The following PDE4B variants were observed in gnomAD, a reference collection of about 807,000 sequenced individuals.
PDE4B encodes the protein 3',5'-cyclic-AMP phosphodiesterase 4B.
Under a neutral mutation model 82.2 loss-of-function variants are expected in PDE4B, and 20 were observed. The ratio of observed to expected loss-of-function variants is 0.24; its 90% confidence interval spans 0.17 to 0.35. The LOEUF (loss-of-function observed/expected upper bound fraction) is 0.35, where lower values mean the gene tolerates loss of function less well. PDE4B is among the 10% of genes least tolerant of loss of function. The probability of loss-of-function intolerance (pLI) is 1.00; values close to 1 mark genes in which losing one functional copy is unlikely to be tolerated. For missense variants in PDE4B, 655 were observed against 907.2 expected (o/e 0.72, Z 3.57); for synonymous variants, 320 against 318.9 (o/e 1.00, Z -0.04).
At chr1:66,150,777 T>C (rs1454011896) in intron 3 of PDE4B, among the ~76,000 whole-genome samples, 1 of 152,204 alleles carries the variant, frequency 6.6e-6, no homozygotes, top group Non-Finnish European at 1.5e-5. Flanking sequence ...TTTTACTCTG[T>C]CTATTGAAAT....
At chr1:65,969,190 A>T (rs528461099) in intron 3 of PDE4B, among the ~76,000 whole-genome samples, 1 of 152,254 alleles carries the variant, frequency 6.6e-6, no homozygotes, top group South Asian at 2.1e-4. Flanking sequence ...TTGGGTATGG[A>T]TGAATTGGAC....
intron 3 of PDE4B, among the ~76,000 whole-genome samples, chr1:66,017,499 G>T (rs959272782): frequency 1.3e-5 from 2 of 152,108 alleles, no homozygotes; most frequent in Non-Finnish European, 2.9e-5. Context: ...CAGTGGTGGT[G>T]GTAGACAACT....
At chr1:65,794,469 G>A (rs1645609188) in intron 1 of PDE4B, among the ~76,000 whole-genome samples, 1 of 152,176 alleles carries the variant, frequency 6.6e-6, no homozygotes, top group Admixed American at 6.5e-5. Context: ...AACCTGAAGT[G>A]TAGGTAGGGG....
At chr1:65,915,084 T>C (rs1181826609) in intron 2 of PDE4B, among the ~76,000 whole-genome samples, 1 of 152,246 alleles carries the variant, frequency 6.6e-6, no homozygotes, top group Non-Finnish European at 1.5e-5. Context: ...AACTAAATTT[T>C]ACCTGTTTCT....
intron 3 of PDE4B, among the ~76,000 whole-genome samples, chr1:66,153,301 T>C (rs1646439325): frequency 6.6e-6 from 1 of 152,164 alleles, no homozygotes; most frequent in Non-Finnish European, 1.5e-5. Flanking sequence ...CCTGTGCAAA[T>C]GTCATTTTCC....
intron 3 of PDE4B, among the ~76,000 whole-genome samples, chr1:66,036,336 C>A (rs1228679830): frequency 3.9e-5 from 6 of 152,098 alleles, no homozygotes; most frequent in Admixed American, 3.3e-4. Flanking sequence ...GATGCAATCC[C>A]ATTTGTCTAT....
chr1:65,799,179 A>G (rs1181045134), intron 1 of PDE4B, among the ~76,000 whole-genome samples: 1 of 152,186 alleles, frequency 6.6e-6, no homozygotes, highest in African/African-American at 2.4e-5. Flanking sequence ...GAGATCACCT[A>G]TTTCAACCTT....
chr1:65,935,934 T>C (rs1648103189), intron 3 of PDE4B, among the ~76,000 whole-genome samples: 1 of 151,830 alleles, frequency 6.6e-6, no homozygotes, highest in Non-Finnish European at 1.5e-5. Flanking sequence ...CGAAATTCTG[T>C]CTCAAAAAAA....
At chr1:66,065,064 T>G (rs1224925933) in intron 3 of PDE4B, among the ~76,000 whole-genome samples, 2 of 151,942 alleles carry the variant, frequency 1.3e-5, no homozygotes, top group Non-Finnish European at 2.9e-5. Flanking sequence ...TGCGTCAAAC[T>G]TTTTCTTTCA....
At chr1:66,334,667 A>C (rs1478099303) in intron 8 of PDE4B, among the ~76,000 whole-genome samples, 2 of 152,266 alleles carry the variant, frequency 1.3e-5, no homozygotes, top group Non-Finnish European at 2.9e-5. Flanking sequence ...GCAATTATTT[A>C]GTGCATGAAT....
intron 1 of PDE4B, among the ~76,000 whole-genome samples, chr1:65,868,325 G>T (rs1289980477): frequency 6.6e-6 from 1 of 152,184 alleles, no homozygotes; most frequent in East Asian, 1.9e-4. Flanking sequence ...TCCAGCAGGA[G>T]ACAGAGACTG....
rs530956816 is a variant in PDE4B at position 65,866,185 on chromosome 1, A to G, written c.-70-47060A>G. On this transcript the variant is annotated intron_variant, in intron 1 of 16. Transcript: ENST00000341517. ...AACTCCAACTTTTTTTTTATTTTGTAAATTTGCCTTAGTTTTATGGTTATA... is the reference window on the plus strand; with the variant it reads ...AACTCCAACTTTTTTTTTATTTTGTGAATTTGCCTTAGTTTTATGGTTATA... 2.6e-5 allele frequency among the ~76,000 whole-genome samples: 4 copies of G among 152,244 alleles called. No individual in the cohort carries two copies. The South Asian group carries it at 8.3e-4, about 32-fold the overall frequency.
chr1:66,289,722 A>ATT (rs1263282075), intron 7 of PDE4B, among the ~76,000 whole-genome samples: 9 of 139,270 alleles, frequency 6.5e-5, no homozygotes, highest in Admixed American at 5.6e-4. Context: ...ATATATATAT[A>ATT]TTTTTAAAAA....
At chr1:66,000,033 T>C (rs1651776738) in intron 3 of PDE4B, among the ~76,000 whole-genome samples, 1 of 152,222 alleles carries the variant, frequency 6.6e-6, no homozygotes, top group South Asian at 2.1e-4. Flanking sequence ...AATATCTCAC[T>C]AGAGCCTAAA....
intron 3 of PDE4B, among the ~76,000 whole-genome samples, chr1:66,237,020 G>A (rs1488968055): frequency 6.6e-6 from 1 of 152,178 alleles, no homozygotes; most frequent in Admixed American, 6.5e-5. Context: ...TACAGCACAT[G>A]ACCTGGCACA....
rs537859047 is a variant in PDE4B, at chr1:65,803,003, C to T, written c.-71+9755C>T. Among the ~76,000 whole-genome samples, 17 of 151,854 alleles carry T rather than the reference C, an allele frequency of 1.1e-4. 1 individual carries two copies. In the South Asian group the frequency reaches 3.3e-3, roughly 30 times the overall value. On this transcript the variant is annotated intron_variant, in intron 1 of 16. Coordinates refer to ENST00000341517, the MANE Select transcript of PDE4B (RefSeq NM_002600.4). ...TACTATTTATTTATAAAATGTTATG[C>T]TTTTTTGTTTTCCCTAAATTTTTAA...
chr1:66,316,643 T>C (rs1659048435), intron 7 of PDE4B, among the ~76,000 whole-genome samples: 1 of 152,242 alleles, frequency 6.6e-6, no homozygotes, highest in Non-Finnish European at 1.5e-5. Flanking sequence ...CACTGGTAAA[T>C]ATTGGTCTAA....
At chr1:66,137,952 T>A (rs564934960) in intron 3 of PDE4B, among the ~76,000 whole-genome samples, 194 of 152,228 alleles carry the variant, frequency 1.3e-3, no homozygotes, top group Non-Finnish European at 2.3e-3. Context: ...TGCTTATAAA[T>A]GAATGTAATT....
At chr1:66,335,323 T>C (rs1660437373) in intron 8 of PDE4B, among the ~76,000 whole-genome samples, 1 of 152,222 alleles carries the variant, frequency 6.6e-6, no homozygotes. Flanking sequence ...AGAACAGCGA[T>C]AGGTGAAATT....
Sources: allele counts gnomAD v4.1 joint callset (sites outside exome capture counted in the v4.1 genomes callset), GRCh38; gene constraint gnomAD v4.1.1; transcripts MANE v1.5; gene names NCBI Gene and HGNC (gene_info 2026-07-23, HGNC 2026-07-21).